VCP: variants seen among roughly 807,000 people sequenced by gnomAD.
VCP encodes valosin containing protein.
A neutral mutation model predicts 85.7 loss-of-function variants in VCP; 6 were observed. That is an observed-to-expected ratio of 0.07 (90% CI 0.04 to 0.14). The LOEUF (loss-of-function observed/expected upper bound fraction) is 0.14. Ranked by LOEUF, VCP falls within the 10% of genes least tolerant of loss-of-function variation. The probability of loss-of-function intolerance (pLI) is 1.00; values close to 1 mark genes in which losing one functional copy is unlikely to be tolerated. For missense variants in VCP, 353 were observed against 1,043.4 expected, an observed-to-expected ratio of 0.34 and a Z score of 9.12; for synonymous variants, 384 against 367.1, an observed-to-expected ratio of 1.05 and a Z score of -0.53.
intron 11 of VCP, 45 bp downstream of exon 11, chr9:35,060,970 T>C: frequency 6.2e-7 from 1 of 1,613,964 alleles, no homozygotes; most frequent in Non-Finnish European, 8.5e-7. Context: ...AAGGGAGGGG[T>C]CAAAGCACGT....
chr9:35,064,749 G>T (rs971890812), intron 5 of VCP, among the ~76,000 whole-genome samples: 2 of 152,194 alleles, frequency 1.3e-5, no homozygotes, highest in Non-Finnish European at 2.9e-5. Context: ...TATATTTTGG[G>T]TTCAGTCTAG....
At chr9:35,072,035 G>A in intron 1 of VCP, 1 of 1,204,798 alleles carries the variant, frequency 8.3e-7, no homozygotes. Context: ...ACCTGGCCAG[G>A]CCCAGACGTC....
chr9:35,066,914 AAAAAG>A (rs1828845517), intron 3 of VCP, 97 bp from the exon 4 acceptor site: 3 of 1,595,168 alleles, frequency 1.9e-6, no homozygotes, highest in African/African-American at 1.3e-5. Context: ...ATAGTAAGTG[AAAAAG>A]AAAAGGCAGG....
intron 10 of VCP, 78 bp from the exon 11 acceptor site, chr9:35,061,257 C>T (rs1828715580): frequency 6.3e-7 from 1 of 1,582,904 alleles, no homozygotes; most frequent in African/African-American, 1.3e-5. Flanking sequence ...TAGAATCCTT[C>T]CCCTGACTGC....
At chr9:35,061,260 CT>C in intron 10 of VCP, 81 bp from the exon 11 acceptor site, 2 of 1,581,938 alleles carry the variant, frequency 1.3e-6, no homozygotes, top group Non-Finnish European at 1.7e-6. Flanking sequence ...AATCCTTCCC[CT>C]GACTGCTATC....
At chr9:35,067,347 T>C (rs1183617767) in intron 3 of VCP, among the ~76,000 whole-genome samples, 1 of 151,944 alleles carries the variant, frequency 6.6e-6, no homozygotes, top group Non-Finnish European at 1.5e-5. Flanking sequence ...CAAGATGGGG[T>C]AACCTCTTGC....
chr9:35,061,779 CA>C, intron 9 of VCP, 90 bp from the exon 10 acceptor site: 1 of 1,379,602 alleles, frequency 7.2e-7, no homozygotes, highest in Non-Finnish European at 1.0e-6. Flanking sequence ...TCAGCCAGCA[CA>C]GGATTGTCCT....
At chr9:35,067,078 G>T (rs1303886282) in intron 3 of VCP, among the ~76,000 whole-genome samples, 1 of 152,188 alleles carries the variant, frequency 6.6e-6, no homozygotes, top group Non-Finnish European at 1.5e-5. Context: ...AGATATCCAA[G>T]GATGATCCCC....
chr9:35,059,434 A>C lies in VCP; in HGVS notation c.2004+59T>G. The stretch of plus-strand genomic sequence containing the variant: ...GAATCTTGTCCAGAAACTAAAGAGC[A>C]CTCCGTACCAGCCTGAGGACTCATG... On this transcript the variant is annotated intron_variant, in intron 14 of 16. Transcript: ENST00000358901. This position sits in a 1 kb window ranked among gnomAD's most constrained non-coding sequence, Gnocchi z 4.9. 6.3e-7 allele frequency: 1 copy of C among 1,599,952 alleles called. No individual in the cohort carries two copies. The highest frequency in any genetic ancestry group is 8.5e-7 in the Non-Finnish European group (1 of 1,172,218).
intron 3 of VCP, among the ~76,000 whole-genome samples, chr9:35,067,574 C>T (rs1238400098): frequency 6.6e-6 from 1 of 152,138 alleles, no homozygotes; most frequent in African/African-American, 2.4e-5. Context: ...CATATACATA[C>T]ACACCCTCGA....
rs562742873 is a variant in VCP at position 35,070,663 on chromosome 9, T to C, written c.17+1674A>G. On this transcript the variant is annotated intron_variant, in intron 1 of 16. Coordinates refer to ENST00000358901, the MANE Select transcript of VCP (RefSeq NM_007126.5). The stretch of plus-strand genomic sequence containing the variant: ...GTTGCCCGGGCTGGTCTCAAACTCC[T>C]GACCTCAAGTGATCTGCCTGCCTCG... Among the ~76,000 whole-genome samples, 3 of 152,324 alleles carry C rather than the reference T, an allele frequency of 2.0e-5. No individual in the cohort carries two copies. The East Asian group carries it at 5.8e-4, about 29-fold the overall frequency.
chr9:35,066,173 G>A (rs369998866), intron 4 of VCP, among the ~76,000 whole-genome samples: 6 of 151,846 alleles, frequency 4.0e-5, no homozygotes, highest in African/African-American at 1.5e-4. Flanking sequence ...GCTCATGCCT[G>A]TAATCCCAGC....
intron 1 of VCP, 137 bp downstream of exon 1, chr9:35,072,200 C>G: frequency 1.4e-6 from 2 of 1,434,640 alleles, no homozygotes; most frequent in Non-Finnish European, 1.8e-6. Flanking sequence ...GCCCCTCACT[C>G]GCCCCCTAGC....
intron 1 of VCP, chr9:35,072,037 CCA>C: frequency 4.1e-6 from 5 of 1,209,556 alleles, no homozygotes; most frequent in Non-Finnish European, 5.2e-6. Flanking sequence ...CTGGCCAGGC[CCA>C]GACGTCCGTT....
chr9:35,057,616 G>A, intron 15 of VCP, 86 bp from the exon 16 acceptor site: 1 of 1,564,052 alleles, frequency 6.4e-7, no homozygotes, highest in Non-Finnish European at 8.7e-7. Context: ...CAGTTTATTG[G>A]TCTCCTTGCC....
At chr9:35,064,005 C>T in intron 6 of VCP, 149 bp downstream of exon 6, 1 of 1,333,100 alleles carries the variant, frequency 7.5e-7, no homozygotes, top group Non-Finnish European at 1.1e-6. Flanking sequence ...GAATTTAGAG[C>T]CTTAGGTAAA....
At chr9:35,065,158 GC>G (rs1828802180) in intron 5 of VCP, 92 bp downstream of exon 5, 2 of 1,589,938 alleles carry the variant, frequency 1.3e-6, no homozygotes, top group Non-Finnish European at 1.7e-6. Context: ...GTCAGCCACC[GC>G]AGCCGGCCGA....
chr9:35,072,191 C>T lies in VCP; in HGVS notation c.17+146G>A, dbSNP rs149858552. 5,229 of 1,427,494 alleles carry T rather than the reference C, an allele frequency of 3.7e-3. 11 individuals carry two copies. The highest frequency in any genetic ancestry group is 5.4e-3 in the Admixed American group (224 of 41,526). The allele number at this position is 1,427,494 out of a possible 1,614,324, so 88.4% of individuals were successfully genotyped here. ...CCAGCCGGGCCTGCCGGGTCCACGG[C>T]CCCTCACTCGCCCCCTAGCTTCCCT... is the stretch of plus-strand genomic sequence containing the variant. On this transcript the variant is annotated intron_variant, in intron 1 of 16. Transcript: ENST00000358901.
chr9:35,058,766 CA>C (rs1360738928), intron 15 of VCP, among the ~76,000 whole-genome samples: 2 of 144,914 alleles, frequency 1.4e-5, no homozygotes. Flanking sequence ...GACTTCGTCT[CA>C]AAAAAAAAAC....
Sources: allele counts gnomAD v4.1 joint callset (sites outside exome capture counted in the v4.1 genomes callset), GRCh38; gene constraint gnomAD v4.1.1; non-coding constraint Gnocchi (gnomAD v3.1); transcripts MANE v1.5; gene names NCBI Gene and HGNC (gene_info 2026-07-23, HGNC 2026-07-21).